Variants in MN1 observed in about 807,000 individuals in gnomAD.
MN1 encodes the protein MN1 proto-oncogene, transcriptional regulator, also known as transcriptional activator MN1.
In MN1, 19 loss-of-function variants were observed where a neutral mutation model predicts 86.9. The ratio of observed to expected loss-of-function variants is 0.22; its 90% CI spans 0.15 to 0.32. MN1 has a LOEUF of 0.32. Ranked by LOEUF, MN1 falls within the 10% of genes least tolerant of loss-of-function variation. The pLI is 1.00. For synonymous variants in MN1, 928 were observed against 849.6 expected (o/e 1.09, Z -1.60); for missense variants, 1,841 against 1,862.0 (o/e 0.99, Z 0.21).
intron 1 of MN1, among the ~76,000 whole-genome samples, chr22:27,756,616 C>A (rs940442332): frequency 6.6e-6 from 1 of 152,098 alleles, no homozygotes; most frequent in Non-Finnish European, 1.5e-5. Flanking sequence ...TTCTCTAGTA[C>A]GGGAGGAGTA....
intron 1 of MN1, among the ~76,000 whole-genome samples, chr22:27,793,454 T>A (rs1933242749): frequency 6.6e-6 from 1 of 152,244 alleles, no homozygotes; most frequent in South Asian, 2.1e-4. Flanking sequence ...ATTTAATTGA[T>A]GTTTGAATAG....
intron 1 of MN1, among the ~76,000 whole-genome samples, chr22:27,795,042 G>C (rs1933270067): frequency 2.1e-5 from 3 of 142,954 alleles, no homozygotes; most frequent in African/African-American, 7.9e-5. Context: ...GCAGGAGGCT[G>C]TGTCCAACTC....
Position 27,799,874 on chromosome 22 carries a change from T to C in MN1, c.670A>G (p.Asn224Asp). ...SHSLEPRRVT[N>D]QGAVDSLEYN... ...TCCAGCGAGTCGACGGCTCCTTGGT[T>C]CGTCACCCTCCGTGGCTCCAGACTG... Residue 224 changes from asparagine to aspartate, a missense_variant, in exon 1 of 2, where the codon AAC (asparagine) becomes GAC (aspartate). Coordinates refer to ENST00000302326, the MANE Select transcript of MN1 (RefSeq NM_002430.3). 2 of 1,603,258 alleles carry C rather than the reference T, an allele frequency of 1.2e-6. No individual in the cohort carries two copies. The highest frequency in any genetic ancestry group is 1.7e-6 in the Non-Finnish European group (2 of 1,176,072).
chr22:27,798,662 C>G lies in MN1; in HGVS notation c.1882G>C (p.Glu628Gln). The change falls in exon 1 of 2, where the codon GAG becomes CAG. Residue 628 changes from glutamate to glutamine, a missense_variant. By Grantham distance (29) the Glu-to-Gln change is conservative. Coordinates refer to ENST00000302326, the MANE Select transcript of MN1 (RefSeq NM_002430.3). ...FEQQAPHLAQ[E>Q]SAWFSGPHPP... ...TGCGGACCTGAGAACCACGCGCTCT[C>G]TTGCGCCAAGTGCGGCGCCTGCTGC... 1 of 1,553,186 alleles carries G rather than the reference C, an allele frequency of 6.4e-7. No individual in the cohort carries two copies. Among genetic ancestry groups the G allele is most frequent in the Non-Finnish European group, 8.6e-7 (1 of 1,158,018 alleles).
In MN1 at chr22:27,801,275, G is replaced by C. The variant is rs897130252; in HGVS notation, c.-732C>G. 1 of 215,548 alleles carries C rather than the reference G, an allele frequency of 4.6e-6. No homozygotes were observed. The highest frequency in any genetic ancestry group is 6.4e-5 in the East Asian group (1 of 15,704). The allele number at this position is 215,548 out of a possible 1,614,324, so 13.4% of individuals were successfully genotyped here. ...GAGGGGCTGCGAGGCGGCAGGCGCC[G>C]GGGGCTGGAGCCGAGGGTCGGGGAA... is the stretch of plus-strand genomic sequence containing the variant. On this transcript the variant is annotated 5_prime_UTR_variant, in exon 1 of 2. Transcript: ENST00000302326.
chr22:27,773,275 C>A (rs530581732), intron 1 of MN1, among the ~76,000 whole-genome samples: 1 of 152,326 alleles, frequency 6.6e-6, no homozygotes, highest in East Asian at 1.9e-4. Flanking sequence ...GGGGTTCATT[C>A]AGCTGTTTTC....
intron 1 of MN1, among the ~76,000 whole-genome samples, chr22:27,757,857 T>C (rs1932811163): frequency 6.6e-6 from 1 of 151,982 alleles, no homozygotes; most frequent in Admixed American, 6.6e-5. Flanking sequence ...GCAGGGCCAT[T>C]GCATCCAAGC....
At position 27,749,555 on chromosome 22, in the gene MN1, C is replaced by T. The variant is rs1038591376; in HGVS notation, c.*1360G>A. 2 of 232,332 alleles carry T rather than the reference C, an allele frequency of 8.6e-6. No homozygotes were observed. The highest frequency in any genetic ancestry group is 1.7e-5 in the Non-Finnish European group (2 of 117,580). The allele number at this position is 232,332 out of a possible 1,614,324, so 14.4% of individuals were successfully genotyped here. A position where few individuals can be genotyped will look rare whatever the true frequency, so the allele number is the denominator to read the frequency against. On this transcript the variant is annotated 3_prime_UTR_variant, in exon 2 of 2. Transcript: ENST00000302326. ...TTGCCTGCCCCTGCCAACCACCACT[C>T]ATCTCTGCTCAGAGCAGTTATTCCT...
At position 27,750,921 on chromosome 22, in the gene MN1, T is replaced by C; in HGVS notation, c.3957A>G (p.Leu1319=). ...AGGGGATCTTTCTTGTCATTCAAGT[T>C]AGGGCAGCCACGAATGTCCCAAATC... is the stretch of plus-strand genomic sequence containing the variant. ...SNRFGTFVAA[L]T is the part of the protein sequence containing the mutation. Residue 1319 remains leucine (L), a synonymous_variant, in exon 2 of 2, where the codon CTA becomes CTG. Coordinates refer to ENST00000302326, the MANE Select transcript of MN1 (RefSeq NM_002430.3). 1 of 1,589,762 alleles carries C rather than the reference T, an allele frequency of 6.3e-7. No individual in the cohort carries two copies. The highest frequency in any genetic ancestry group is 8.6e-7 in the Non-Finnish European group (1 of 1,165,022).
chr22:27,796,570 G>A (rs1933298781), intron 1 of MN1, among the ~76,000 whole-genome samples, 193 bp downstream of exon 1: 1 of 150,238 alleles, frequency 6.7e-6, no homozygotes, highest in Admixed American at 6.6e-5. Context: ...GGGGCTTGGG[G>A]GCAGTGTGTG....
chr22:27,787,798 G>T (rs942754823), intron 1 of MN1, among the ~76,000 whole-genome samples: 4 of 152,146 alleles, frequency 2.6e-5, no homozygotes, highest in African/African-American at 9.7e-5. Context: ...TTGGCCACAG[G>T]CACGTCTGGG....
chr22:27,783,912 C>T (rs1933087378), intron 1 of MN1, among the ~76,000 whole-genome samples: 1 of 152,192 alleles, frequency 6.6e-6, no homozygotes, highest in South Asian at 2.1e-4. Flanking sequence ...CAGACACTGG[C>T]CCATGGCGGC....
At position 27,772,883 on chromosome 22, in the gene MN1, CATA is replaced by C. The variant is rs1157623188; in HGVS notation, c.3782-21790_3782-21788del. On this transcript the variant is annotated intron_variant, in intron 1 of 1. Coordinates refer to ENST00000302326, the MANE Select transcript of MN1 (RefSeq NM_002430.3). Reference sequence around the variant, plus strand: ...TCATCATCATCATCATCATCATCATCATAATCAAGCAGTGTGGCTGGCAGCTGG... The same window carrying C: ...TCATCATCATCATCATCATCATCATCATCAAGCAGTGTGGCTGGCAGCTGG... Among the ~76,000 whole-genome samples the C allele has an allele frequency of 2.2e-3, 264 of 122,596 alleles. 2 individuals carry two copies. The highest frequency in any genetic ancestry group is 6.4e-3 in the Admixed American group (75 of 11,726). The allele number at this position is 122,596 out of a possible 152,430, so 80.4% of individuals were successfully genotyped here. A position where few individuals can be genotyped will look rare whatever the true frequency, so the allele number is the denominator to read the frequency against.
rs556073340 is a variant in MN1, at chr22:27,752,840, G to A, written c.3782-1744C>T. The stretch of plus-strand genomic sequence containing the variant: ...GGGGGGCTCTGCTCCAGCTGAGGGA[G>A]CACACCCAGATACTGAACTCCATGA... On this transcript the variant is annotated intron_variant, in intron 1 of 1. Transcript: ENST00000302326. Among the ~76,000 whole-genome samples the A allele has an allele frequency of 1.6e-3, 247 of 152,308 alleles. 1 individual carries two copies. The highest frequency in any genetic ancestry group is 5.7e-3 in the African/African-American group (237 of 41,556).
rs1932733919 is a variant in MN1, at chr22:27,749,158, C to A, written c.*1757G>T. On this transcript the variant is annotated 3_prime_UTR_variant, in exon 2 of 2. Transcript: ENST00000302326. ...CAGACTCAGACCCCAGCCAAAAGGACCGGCAGAAGGAAAGAGGGGAGAAGG... is the reference window on the plus strand; with the variant it reads ...CAGACTCAGACCCCAGCCAAAAGGAACGGCAGAAGGAAAGAGGGGAGAAGG... 1 of 231,850 alleles carries A rather than the reference C, an allele frequency of 4.3e-6. No homozygotes were observed. Among genetic ancestry groups the A allele is most frequent in the Non-Finnish European group, 8.5e-6 (1 of 117,190 alleles). 14.4% of individuals were successfully genotyped at this position (231,850 alleles called of 1,614,324 possible).
intron 1 of MN1, among the ~76,000 whole-genome samples, chr22:27,754,849 G>A (rs552758849): frequency 1.4e-4 from 22 of 152,262 alleles, no homozygotes; most frequent in South Asian, 8.3e-4. Flanking sequence ...GTCACTCAGC[G>A]CCCAGCACTG....
At chr22:27,782,807 T>G (rs1029410648) in intron 1 of MN1, among the ~76,000 whole-genome samples, 1 of 152,244 alleles carries the variant, frequency 6.6e-6, no homozygotes, top group African/African-American at 2.4e-5. Context: ...GCCTGTGCCC[T>G]TAGTCACATA....
intron 1 of MN1, among the ~76,000 whole-genome samples, chr22:27,759,881 C>T (rs543232524): frequency 6.6e-6 from 1 of 152,328 alleles, no homozygotes; most frequent in South Asian, 2.1e-4. Context: ...GGTAGATATA[C>T]AACCCTCCCC....
In MN1 at chr22:27,798,675, C is replaced by T. The variant is rs751286449; in HGVS notation, c.1869G>A (p.Pro623=). The change falls in exon 1 of 2, where the codon CCG becomes CCA. Residue 623 remains proline, a synonymous_variant. Transcript: ENST00000302326. The stretch of plus-strand genomic sequence containing the variant: ...ACCACGCGCTCTCTTGCGCCAAGTG[C>T]GGCGCCTGCTGCTCGAAGGTGCCCA... The part of the protein sequence containing the change: ...GRLGTFEQQA[P]HLAQESAWFS... 9 of 1,543,422 alleles carry T rather than the reference C, an allele frequency of 5.8e-6. No individual in the cohort carries two copies. In the African/African-American group the frequency reaches 8.2e-5, roughly 14 times the overall value.
Sources: gnomAD v4.1 joint callset for allele counts (sites outside exome capture counted in the v4.1 genomes callset) on GRCh38, gnomAD v4.1.1 for gene constraint, MANE v1.5 for transcripts, NCBI Gene and HGNC (gene_info 2026-07-23, HGNC 2026-07-21) for gene names.